NBAS: variants seen among roughly 807,000 people sequenced by gnomAD.
NBAS encodes the protein NAG/BC035112 fusion.
Under a neutral mutation model 302.5 loss-of-function variants are expected in NBAS, and 219 were observed. The ratio of observed to expected loss-of-function variants is 0.72; its 90% CI spans 0.65 to 0.81. The LOEUF is 0.81. NBAS is among the 30% of genes least tolerant of loss of function. The pLI, the probability that NBAS is intolerant of heterozygous loss-of-function variation, is 0.00. For missense variants in NBAS, 2,932 were observed against 2,841.6 expected (o/e 1.03, Z -0.72); for synonymous variants, 1,118 against 1,021.6 (o/e 1.09, Z -1.80).
chr2:15,384,586 A>T (rs1010150663), intron 28 of NBAS, among the ~76,000 whole-genome samples: 2 of 151,376 alleles, frequency 1.3e-5, no homozygotes, highest in Non-Finnish European at 2.9e-5. Context: ...TGAAATTACA[A>T]ATACATCTTG....
At chr2:15,519,655 G>A (rs1662568512) in intron 9 of NBAS, among the ~76,000 whole-genome samples, 1 of 152,004 alleles carries the variant, frequency 6.6e-6, no homozygotes, top group South Asian at 2.1e-4. Context: ...ATGTAGCCCA[G>A]GCTGGTCTCA....
chr2:14,847,269 G>T, the NBAS span, among the ~76,000 whole-genome samples: 1 of 151,106 alleles, frequency 6.6e-6, no homozygotes, highest in African/African-American at 2.4e-5. Flanking sequence ...TGTAGTCCCA[G>T]CTACTTGGGA....
At chr2:15,494,642 T>A (rs1355668089) in intron 11 of NBAS, among the ~76,000 whole-genome samples, 2 of 152,158 alleles carry the variant, frequency 1.3e-5, no homozygotes, top group Non-Finnish European at 2.9e-5. Flanking sequence ...GCTCCCTGAG[T>A]ATAGAAACTC....
At position 15,275,547 on chromosome 2, in the gene NBAS, G is replaced by A. The variant is rs1669535668; in HGVS notation, c.5661C>T (p.Leu1887=). 3.7e-6 allele frequency: 6 copies of A among 1,614,068 alleles called. No individual in the cohort carries two copies. Among genetic ancestry groups the A allele is most frequent in the African/African-American group, 1.3e-5 (1 of 75,070 alleles). The change falls in exon 44 of 52, where the codon CTC becomes CTT. Residue 1887 remains leucine, a synonymous_variant. Transcript: ENST00000281513. ...YDVCMKYFDR[L]HPGDLITVVD... is the part of the protein sequence containing the mutation. ...CCACAGTGATGAGGTCACCTGGGTG[G>A]AGACGATCAAAGTACTTCATGCAGA...
At chr2:15,368,168 G>T (rs1674304828) in intron 31 of NBAS, among the ~76,000 whole-genome samples, 1 of 142,944 alleles carries the variant, frequency 7.0e-6, no homozygotes, top group Non-Finnish European at 1.5e-5. Context: ...AAATACTTCA[G>T]TGTGTGTTTC....
At chr2:15,100,697 A>G in the NBAS span, among the ~76,000 whole-genome samples, 1 of 152,204 alleles carries the variant, frequency 6.6e-6, no homozygotes, top group Non-Finnish European at 1.5e-5. Flanking sequence ...TTTTAAAAAT[A>G]AACACATTAG....
chr2:15,134,582 C>A, the NBAS span, among the ~76,000 whole-genome samples: 1 of 152,186 alleles, frequency 6.6e-6, no homozygotes, highest in Non-Finnish European at 1.5e-5. Context: ...AAGGAAAGAT[C>A]TTCACTATTG....
chr2:15,219,303 A>ATTTTTTTTTTTTTTTTTTT (rs149822429), intron 47 of NBAS, among the ~76,000 whole-genome samples: 1 of 144,120 alleles, frequency 6.9e-6, no homozygotes, highest in African/African-American at 2.6e-5. Flanking sequence ...CATTCTAGTA[A>ATTTTTTTTTTTTTTTTTTT]TTTTTTTTTT....
At chr2:15,263,036 G>A (rs1668920847) in intron 44 of NBAS, among the ~76,000 whole-genome samples, 2 of 152,148 alleles carry the variant, frequency 1.3e-5, no homozygotes, top group South Asian at 2.1e-4. Context: ...GCCTCAGCTT[G>A]GGCCACCATC....
At chr2:14,781,271 T>A in the NBAS span, among the ~76,000 whole-genome samples, 1 of 152,234 alleles carries the variant, frequency 6.6e-6, no homozygotes, top group Non-Finnish European at 1.5e-5. Flanking sequence ...CCTTTACAAT[T>A]TAGCACTTGT....
chr2:15,528,250 T>C (rs1486889293), intron 9 of NBAS, among the ~76,000 whole-genome samples: 4 of 151,992 alleles, frequency 2.6e-5, no homozygotes, highest in African/African-American at 4.8e-5. Flanking sequence ...TCCCTGCTCC[T>C]TCAAGCAAGT....
Position 15,330,690 on chromosome 2 carries a change from A to G in NBAS, c.4255T>C (p.Ser1419Pro), listed in dbSNP as rs755444750. 6.2e-7 allele frequency: 1 copy of G among 1,614,064 alleles called. No individual in the cohort carries two copies. Among genetic ancestry groups the G allele is most frequent in the Non-Finnish European group, 8.5e-7 (1 of 1,179,958 alleles). ...WTTATTMKVL[S>P]NTTTTTKAVL... The stretch of plus-strand genomic sequence containing the variant: ...GCTTTGGTGGTGGTTGTGGTGTTGG[A>G]AAGGACTTTCATGGTGGTAGCAGTG... Residue 1419 changes from serine to proline, a missense_variant, in exon 36 of 52, where the codon TCC becomes CCC. By Grantham distance (74) the Ser-to-Pro change is moderately conservative. Coordinates refer to ENST00000281513, the MANE Select transcript of NBAS (RefSeq NM_015909.4).
chr2:15,241,493 C>A (rs1056312164), intron 44 of NBAS, among the ~76,000 whole-genome samples: 6 of 152,118 alleles, frequency 3.9e-5, no homozygotes, highest in African/African-American at 1.4e-4. Flanking sequence ...GCAGGAAGAA[C>A]AATACATTCA....
the NBAS span, among the ~76,000 whole-genome samples, chr2:14,914,061 G>C: frequency 4.6e-5 from 7 of 152,268 alleles, no homozygotes; most frequent in Admixed American, 4.6e-4. Context: ...AGGCGAGACA[G>C]AATAAAAGCC....
chr2:15,503,165 C>A (rs141209523), intron 11 of NBAS, among the ~76,000 whole-genome samples: 1 of 152,144 alleles, frequency 6.6e-6, no homozygotes, highest in Admixed American at 6.5e-5. Context: ...GAGTTGTAAT[C>A]TCCCATGTTA....
the NBAS span, among the ~76,000 whole-genome samples, chr2:14,845,952 G>A: frequency 2.0e-5 from 3 of 152,070 alleles, no homozygotes; most frequent in Non-Finnish European, 2.9e-5. Flanking sequence ...AGAGTTATTG[G>A]CCTTAAAATG....
intron 51 of NBAS, among the ~76,000 whole-genome samples, chr2:15,170,337 TG>T (rs1262248422): frequency 6.6e-6 from 1 of 152,016 alleles, no homozygotes; most frequent in Non-Finnish European, 1.5e-5. Flanking sequence ...GGGCAAGGGG[TG>T]GGGAAGGGCA....
At chr2:14,799,678 C>A in the NBAS span, among the ~76,000 whole-genome samples, 1 of 152,128 alleles carries the variant, frequency 6.6e-6, no homozygotes, top group Non-Finnish European at 1.5e-5. Flanking sequence ...CCTCTCAATA[C>A]AGTTGTGTAT....
the NBAS span, among the ~76,000 whole-genome samples, chr2:15,098,368 A>ATCATATATG: frequency 1.1e-3 from 37 of 32,650 alleles, 13 homozygotes; most frequent in African/African-American, 5.8e-3. Flanking sequence ...TATTGTATAT[A>ATCATATATG]ATATATTATA....
Sources: allele counts gnomAD v4.1 joint callset (sites outside exome capture counted in the v4.1 genomes callset), GRCh38; gene constraint gnomAD v4.1.1; transcripts MANE v1.5; gene names NCBI Gene and HGNC (gene_info 2026-07-23, HGNC 2026-07-21).